NPAS3: variants seen among roughly 807,000 people sequenced by gnomAD.
NPAS3 encodes the protein neuronal PAS domain-containing protein 3.
NPAS3 carries 14 observed loss-of-function variants against 73.1 expected under a neutral mutation model. That is an observed-to-expected ratio of 0.19 (90% confidence interval 0.13 to 0.30). The LOEUF is 0.30. Ranked by LOEUF, NPAS3 falls within the 10% of genes least tolerant of loss-of-function variation. The probability of loss-of-function intolerance (pLI) is 1.00; values close to 1 mark genes in which losing one functional copy is unlikely to be tolerated. For missense variants in NPAS3, 1,096 were observed against 1,250.0 expected (o/e 0.88, Z 1.86); for synonymous variants, 620 against 541.5 (o/e 1.14, Z -2.01).
intron 2 of NPAS3, among the ~76,000 whole-genome samples, chr14:33,111,659 TTTTC>T (rs1373526315): frequency 6.7e-6 from 1 of 148,308 alleles, no homozygotes; most frequent in Non-Finnish European, 1.5e-5. Context: ...TTTTCTTTTT[TTTTC>T]TTTTTTTTTT....
At chr14:33,183,421 GTTTTTT>G (rs55643715) in intron 2 of NPAS3, among the ~76,000 whole-genome samples, 72 of 60,780 alleles carry the variant, frequency 1.2e-3, no homozygotes, top group African/African-American at 3.9e-3. Context: ...GTGAGACTCT[GTTTTTT>G]TTTTTTTTTT....
At chr14:33,294,064 C>T (rs2042200310) in intron 3 of NPAS3, among the ~76,000 whole-genome samples, 2 of 152,114 alleles carry the variant, frequency 1.3e-5, no homozygotes, top group Admixed American at 1.3e-4. Flanking sequence ...ATGAGAAAAA[C>T]ACAAATTTTG....
chr14:32,986,922 C>A (rs970584279), intron 1 of NPAS3, among the ~76,000 whole-genome samples: 2 of 152,146 alleles, frequency 1.3e-5, no homozygotes, highest in African/African-American at 2.4e-5. Context: ...GCTGGAGAAG[C>A]TTTTCTGTGG....
chr14:33,399,034 C>T (rs949995300), intron 4 of NPAS3, among the ~76,000 whole-genome samples: 54 of 151,958 alleles, frequency 3.6e-4, no homozygotes, highest in African/African-American at 1.3e-3. Context: ...GAGTTCGAGC[C>T]GTCTTGACAT....
chr14:33,521,513 TAAA>T (rs35106729), intron 4 of NPAS3, among the ~76,000 whole-genome samples: 29,155 of 132,882 alleles, frequency 0.22, 3,148 homozygotes, highest in African/African-American at 0.28. Context: ...TGATCTGCTT[TAAA>T]AAAAAAAAAA....
At chr14:33,366,644 A>C (rs1360266848) in intron 3 of NPAS3, among the ~76,000 whole-genome samples, 1 of 152,222 alleles carries the variant, frequency 6.6e-6, no homozygotes, top group East Asian at 1.9e-4. Context: ...AGGATGCTTA[A>C]CACTAGTGCA....
intron 5 of NPAS3, among the ~76,000 whole-genome samples, chr14:33,650,865 G>A (rs771440923): frequency 2.0e-5 from 3 of 152,160 alleles, no homozygotes; most frequent in Admixed American, 6.5e-5. Context: ...CTTGTTGCAG[G>A]AGCAGGAGCA....
intron 7 of NPAS3, among the ~76,000 whole-genome samples, chr14:33,745,340 A>G (rs1185674053): frequency 1.3e-5 from 2 of 152,200 alleles, no homozygotes; most frequent in Non-Finnish European, 2.9e-5. Flanking sequence ...TTATCTCAAA[A>G]TTACTCTACT....
At chr14:32,988,847 A>G (rs2038201233) in intron 1 of NPAS3, among the ~76,000 whole-genome samples, 2 of 152,206 alleles carry the variant, frequency 1.3e-5, no homozygotes, top group African/African-American at 2.4e-5. Context: ...TATTTATTCT[A>G]TATCTCCAAT....
intron 4 of NPAS3, among the ~76,000 whole-genome samples, chr14:33,432,065 T>A (rs1013790930): frequency 2.0e-5 from 3 of 152,180 alleles, no homozygotes; most frequent in Non-Finnish European, 4.4e-5. Flanking sequence ...AGAATCAGTA[T>A]ATAAAGAGAA....
At chr14:33,532,247 T>G (rs542640853) in intron 4 of NPAS3, among the ~76,000 whole-genome samples, 4 of 152,180 alleles carry the variant, frequency 2.6e-5, no homozygotes, top group Non-Finnish European at 5.9e-5. Flanking sequence ...TTTCCGTCCT[T>G]TTTAAAGTTC....
chr14:33,433,130 G>A (rs1354799573), intron 4 of NPAS3, among the ~76,000 whole-genome samples: 2 of 152,150 alleles, frequency 1.3e-5, no homozygotes, highest in Non-Finnish European at 2.9e-5. Context: ...GCAAATGTCA[G>A]AAAATTGCTG....
At chr14:33,434,616 T>C (rs1345052575) in intron 4 of NPAS3, among the ~76,000 whole-genome samples, 1 of 152,176 alleles carries the variant, frequency 6.6e-6, no homozygotes, top group Admixed American at 6.5e-5. Context: ...ATTTGTTCTG[T>C]CTTTGTTATT....
chr14:33,388,319 G>A (rs1313351998), intron 4 of NPAS3, among the ~76,000 whole-genome samples: 1 of 152,194 alleles, frequency 6.6e-6, no homozygotes, highest in Non-Finnish European at 1.5e-5. Flanking sequence ...AGTAGAGGGG[G>A]TGCAGATATT....
At chr14:33,399,481 C>T (rs17101006) in intron 4 of NPAS3, among the ~76,000 whole-genome samples, 10,026 of 152,146 alleles carry the variant, frequency 0.066, 526 homozygotes, top group Admixed American at 0.18. Flanking sequence ...TTCAAACAGA[C>T]TTGTTCAGCA....
chr14:33,727,211 A>AC (rs2061292091), intron 6 of NPAS3, among the ~76,000 whole-genome samples: 1 of 31,980 alleles, frequency 3.1e-5, no homozygotes, highest in African/African-American at 1.3e-4. Context: ...CGCCCCATGG[A>AC]TGGCCGCAGA....
intron 1 of NPAS3, among the ~76,000 whole-genome samples, chr14:33,053,723 G>A (rs889152154): frequency 6.6e-6 from 1 of 152,058 alleles, no homozygotes; most frequent in Non-Finnish European, 1.5e-5. Context: ...TTCCTCTATG[G>A]TACACAAGAT....
intron 2 of NPAS3, among the ~76,000 whole-genome samples, chr14:33,058,966 G>C (rs1364095944): frequency 6.6e-6 from 1 of 152,200 alleles, no homozygotes; most frequent in East Asian, 1.9e-4. Context: ...TACGCTGTTT[G>C]GTCTCTCATA....
chr14:33,335,072 A>G (rs1042890990), intron 3 of NPAS3, among the ~76,000 whole-genome samples: 9 of 98,774 alleles, frequency 9.1e-5, no homozygotes, highest in South Asian at 2.9e-4. Flanking sequence ...GTGTGTGTGT[A>G]TCACATTTTC....
Sources: gnomAD v4.1 joint callset for allele counts (sites outside exome capture counted in the v4.1 genomes callset) on GRCh38, gnomAD v4.1.1 for gene constraint, MANE v1.5 for transcripts, NCBI Gene and HGNC (gene_info 2026-07-23, HGNC 2026-07-21) for gene names.